Variants in LILRB2 observed in about 807,000 individuals in gnomAD.
The protein encoded by LILRB2 is leukocyte immunoglobulin-like receptor subfamily B member 2.
Under a neutral mutation model 72.7 loss-of-function variants are expected in LILRB2, and 47 were observed. The observed-to-expected ratio is 0.65, with a 90% confidence interval of 0.51 to 0.82. LILRB2 has a LOEUF of 0.82. LILRB2 is among the 40% of genes least tolerant of loss of function. The pLI is 0.00. For missense variants in LILRB2, 767 were observed against 764.8 expected, an observed-to-expected ratio of 1.00 and a Z score of -0.03; for synonymous variants, 279 against 313.7, an observed-to-expected ratio of 0.89 and a Z score of 1.17.
chr19:54,278,834 G>T lies in LILRB2; in HGVS notation c.933C>A (p.Asp311Glu). The T allele has an allele frequency of 1.9e-6, 3 of 1,612,812 alleles. No homozygotes were observed. Among genetic ancestry groups the T allele is most frequent in the Non-Finnish European group, 2.5e-6 (3 of 1,179,744 alleles). ...CACCTGTGATCAGGATGTCCAGGGG[G>T]TCGCTGGGGGCCGAGCACTCAGAGG... ...NLSSECSAPS[D>E]PLDILITGQI... Residue 311 changes from aspartate (D) to glutamate (E), a missense_variant, in exon 6 of 14, where the codon GAC becomes GAA. By Grantham distance (45) the Asp-to-Glu change is conservative (BLOSUM62 2). This residue lies in a region of LILRB2 where 599 missense variants were observed against 568.2 expected (regional missense o/e 1.05). Coordinates refer to ENST00000314446, the MANE Select transcript of LILRB2 (RefSeq NM_001080978.4).
In LILRB2 at chr19:54,279,383, C is replaced by T. The variant is rs755417236; in HGVS notation, c.620G>A (p.Trp207Ter). The T allele has an allele frequency of 6.2e-7, 1 of 1,614,048 alleles. No individual in the cohort carries two copies. Among genetic ancestry groups the T allele is most frequent in the South Asian group, 1.1e-5 (1 of 91,088 alleles). Residue 207 changes from tryptophan to a stop codon, truncating the protein, a stop_gained, in exon 5 of 14, where the codon TGG (tryptophan) becomes TAG (stop). Transcript: ENST00000314446. LOFTEE classifies it high-confidence loss of function. ...CTCCAGGAGATCACTGGGTGAAGAC[C>T]ACACATAGGGAGAGTTCAAGTCATA... The part of the protein sequence containing the change: ...YGYDLNSPYV[W>*]SSPSDLLELL...
In LILRB2 at chr19:54,278,273, C is replaced by T. The variant is rs775812069; in HGVS notation, c.1245G>A (p.Glu415=). 1.1e-5 allele frequency: 18 copies of T among 1,614,038 alleles called. No individual in the cohort carries two copies. In the South Asian group the frequency reaches 1.2e-4, roughly 11 times the overall value. The change falls in exon 7 of 14, where the codon GAG becomes GAA. Residue 415 remains glutamate, a synonymous_variant. Transcript: ENST00000314446. ...YLLSHPSEPL[E]LVVSGPSMGS... The stretch of plus-strand genomic sequence containing the variant: ...CAAGGCCCCCACCTGAGACCACGAG[C>T]TCCAGGGGCTCACTGGGGTGAGACA...
At chr19:54,276,218 G>A in intron 12 of LILRB2, 46 bp downstream of exon 12, 1 of 1,612,524 alleles carries the variant, frequency 6.2e-7, no homozygotes, top group African/African-American at 1.3e-5. Flanking sequence ...GGAAACTTCG[G>A]GGCCCCTATC....
chr19:54,280,842 C>T lies in LILRB2; in HGVS notation c.-49+119G>A, dbSNP rs1269523265. The T allele has an allele frequency of 8.7e-5, 43 of 494,028 alleles. No individual in the cohort carries two copies. In the Admixed American group the frequency reaches 1.3e-3, roughly 15 times the overall value. The allele number at this position is 494,028 out of a possible 1,614,324, so 30.6% of individuals were successfully genotyped here. ...GTAGCAGCAAATAGAACTGGTGCTT[C>T]TTGTGTCTGCCCTTCCTGATGAGGG... is the stretch of plus-strand genomic sequence containing the variant. On this transcript the variant is annotated intron_variant, in intron 1 of 13. Transcript: ENST00000314446.
At chr19:54,278,040 C>G (rs1014428236) in intron 7 of LILRB2, 101 bp from the exon 8 acceptor site, 3 of 1,115,252 alleles carry the variant, frequency 2.7e-6, no homozygotes, top group Middle Eastern at 2.8e-4. Context: ...TCCCCAGGCC[C>G]CTCCCTCCAC....
Position 54,275,083 on chromosome 19 carries a change from G to GT in LILRB2, c.1648-255dup, listed in dbSNP as rs1429172935. 215 of 1,603,822 alleles carry GT rather than the reference G, an allele frequency of 1.3e-4. No homozygotes were observed. The African/African-American group carries it at 1.8e-3, about 14-fold the overall frequency. On this transcript the variant is annotated intron_variant, in intron 13 of 13. Transcript: ENST00000314446. The stretch of plus-strand genomic sequence containing the variant: ...TGGGCTCTGCTGGAGAGAGACAGTG[G>GT]TGGGGGGTGTCCTTGAGTCCCCCTG...
intron 6 of LILRB2, 43 bp downstream of exon 6, chr19:54,278,769 G>T (rs372049121): frequency 4.2e-5 from 68 of 1,603,146 alleles, no homozygotes; most frequent in Non-Finnish European, 5.5e-5. Context: ...GGCAGGGCCT[G>T]TGCAGAGTCT....
Position 54,274,632 on chromosome 19 carries a change from A to G in LILRB2, c.*51T>C, listed in dbSNP as rs374864088. The stretch of plus-strand genomic sequence containing the variant: ...CACTGGGGGCAGCTCCCGTGCCTTC[A>G]GCAGTCCTGAGTCTCCTTCTACTGA... On this transcript the variant is annotated 3_prime_UTR_variant, in exon 14 of 14. Transcript: ENST00000314446. The G allele has an allele frequency of 4.3e-4, 699 of 1,613,308 alleles. 4 individuals carry two copies. Among genetic ancestry groups the G allele is most frequent in the Non-Finnish European group, 2.7e-4 (316 of 1,179,450 alleles).
At chr19:54,278,227 T>G (rs2147773014) in intron 7 of LILRB2, 33 bp downstream of exon 7, 1 of 1,612,052 alleles carries the variant, frequency 6.2e-7, no homozygotes, top group East Asian at 2.2e-5. Context: ...GCTGAGCCTT[T>G]GAGCTCAGAG....
intron 5 of LILRB2, 117 bp from the exon 6 acceptor site, chr19:54,279,225 C>T: frequency 6.5e-7 from 1 of 1,539,888 alleles, no homozygotes; most frequent in Non-Finnish European, 8.8e-7. Context: ...CCCAGGACCC[C>T]TGAGCCCTCT....
intron 4 of LILRB2, 67 bp from the exon 5 acceptor site, chr19:54,279,714 T>C: frequency 6.2e-7 from 1 of 1,606,438 alleles, no homozygotes; most frequent in South Asian, 1.1e-5. Context: ...AGGGCTGGGC[T>C]GTGAGAGGGA....
At position 54,279,109 on chromosome 19, in the gene LILRB2, C is replaced by A. The variant is rs750708778; in HGVS notation, c.659-1G>T. On this transcript the variant is annotated splice_acceptor_variant, in intron 5 of 13. Coordinates refer to ENST00000314446, the MANE Select transcript of LILRB2 (RefSeq NM_001080978.4). LOFTEE classifies it high-confidence loss of function. Reference sequence around the variant, plus strand: ...GAGAGTGATGGCTTCTTAGAAACACCTGGGAAAAGGTGCTCATGGTTTCCA... The same window carrying A: ...GAGAGTGATGGCTTCTTAGAAACACATGGGAAAAGGTGCTCATGGTTTCCA... 9.3e-6 allele frequency: 15 copies of A among 1,611,762 alleles called. No individual in the cohort carries two copies. In the Admixed American group the frequency reaches 2.5e-4, roughly 27 times the overall value.
At position 54,279,828 on chromosome 19, in the gene LILRB2, C is replaced by T; in HGVS notation, c.318G>A (p.Trp106Ter). 1 of 1,614,106 alleles carries T rather than the reference C, an allele frequency of 6.2e-7. No homozygotes were observed. Among genetic ancestry groups the T allele is most frequent in the Non-Finnish European group, 8.5e-7 (1 of 1,179,990 alleles). ...YGCQYYSRAR[W>*]SELSDPLVLV... ...GCACCAGGGGGTCACTGAGCTCAGA[C>T]CACCGAGCGCGGCTGTAATACTGAC... Residue 106 changes from tryptophan (W) to a stop codon, truncating the protein, a stop_gained, in exon 4 of 14, where the codon TGG becomes TGA. Transcript: ENST00000314446. LOFTEE classifies it high-confidence loss of function.
intron 13 of LILRB2, chr19:54,275,277 G>GC (rs2080168775): frequency 7.5e-6 from 5 of 668,862 alleles, no homozygotes; most frequent in Admixed American, 3.0e-5. Context: ...GCAGCCTCAT[G>GC]GGCCTTCCCG....
chr19:54,280,507 C>T lies in LILRB2; in HGVS notation c.-11G>A, dbSNP rs1198821031. On this transcript the variant is annotated 5_prime_UTR_variant, in exon 2 of 14. Transcript: ENST00000314446. ...GACGATGGGGGTCATGGCGTCTCCT[C>T]CCACTGCCCTGCTCTGCGGATGGAT... 1.9e-6 allele frequency: 3 copies of T among 1,613,948 alleles called. No homozygotes were observed. Among genetic ancestry groups the T allele is most frequent in the African/African-American group, 1.3e-5 (1 of 74,974 alleles).
chr19:54,275,661 G>A (rs1441591561), intron 13 of LILRB2: 11 of 573,104 alleles, frequency 1.9e-5, no homozygotes, highest in Non-Finnish European at 3.4e-5. Context: ...GGAGCCCAGG[G>A]GACCGGGGTG....
intron 13 of LILRB2, 97 bp downstream of exon 13, chr19:54,275,854 G>A (rs1404229746): frequency 1.2e-5 from 18 of 1,477,384 alleles, no homozygotes; most frequent in Non-Finnish European, 1.6e-5. Context: ...CCACCGTGAC[G>A]ATGCTGAGAG....
chr19:54,275,659 G>A, intron 13 of LILRB2: 1 of 570,128 alleles, frequency 1.8e-6, no homozygotes, highest in Non-Finnish European at 3.4e-6. Context: ...GGGGAGCCCA[G>A]GGGACCGGGG....
rs746485626 is a variant in LILRB2, at chr19:54,279,052, C to T, written c.715G>A (p.Glu239Lys). Residue 239 changes from glutamate to lysine, a missense_variant, in exon 6 of 14, where the codon GAA (glutamate) becomes AAA (lysine). Glu to Lys is a moderately conservative substitution (Grantham distance 56, BLOSUM62 1). This residue lies in a region of LILRB2 where 599 missense variants were observed against 568.2 expected (regional missense o/e 1.05). Transcript: ENST00000314446. Reference sequence around the variant, plus strand: ...GAGACACACTGGAGGGTCAGGCTTTCCCCAGGGGCCATGACAGGACCCGGC... The same window carrying T: ...GAGACACACTGGAGGGTCAGGCTTTTCCCAGGGGCCATGACAGGACCCGGC... ...VQPGPVMAPGESLTLQCVSDV... is the reference protein window; with the variant it reads ...VQPGPVMAPGKSLTLQCVSDV... 14 of 1,614,062 alleles carry T rather than the reference C, an allele frequency of 8.7e-6. No individual in the cohort carries two copies. The African/African-American group carries it at 1.6e-4, about 18-fold the overall frequency.
Sources: allele counts gnomAD v4.1 joint callset, GRCh38; gene constraint gnomAD v4.1.1; regional missense constraint gnomAD v4.1.1; transcripts MANE v1.5; gene names NCBI Gene and HGNC (gene_info 2026-07-23, HGNC 2026-07-21).